The following CCDC57 variants were observed in gnomAD, a reference collection of about 807,000 sequenced individuals.
CCDC57 encodes coiled-coil domain-containing protein 57.
In CCDC57, 118 loss-of-function variants were observed where a neutral mutation model predicts 118.9. The ratio of observed to expected loss-of-function variants is 0.99; its 90% CI spans 0.86 to 1.16. CCDC57 has a LOEUF of 1.16. Among genes scored for constraint, CCDC57 ranks in the 50% most tolerant of loss-of-function variants. The pLI is 0.00. For missense variants in CCDC57, 1,300 were observed against 1,320.7 expected (o/e 0.98, Z 0.24); for synonymous variants, 527 against 532.9 (o/e 0.99, Z 0.15).
At chr17:82,128,585 C>T in exon 18 of CCDC57, 1 of 1,564,792 alleles carries the variant, frequency 6.4e-7, no homozygotes, top group Non-Finnish European at 8.7e-7. Context: ...TCATCCTCGG[C>T]ACTCTTGGCG....
chr17:82,207,315 AGAGT>A (rs1264982917), intron 2 of CCDC57, among the ~76,000 whole-genome samples: 1 of 152,072 alleles, frequency 6.6e-6, no homozygotes, highest in Admixed American at 6.6e-5. Flanking sequence ...CCTAGGTGAC[AGAGT>A]GAGACCCTGT....
intron 13 of CCDC57, among the ~76,000 whole-genome samples, chr17:82,168,020 T>G (rs1225673734): frequency 6.6e-6 from 1 of 152,258 alleles, no homozygotes; most frequent in African/African-American, 2.4e-5. Flanking sequence ...TTCCTTCTGT[T>G]GTGTCTAAAG....
chr17:82,201,716 C>T lies in CCDC57; in HGVS notation c.229G>A (p.Ala77Thr), dbSNP rs751781369. 3.1e-5 allele frequency: 50 copies of T among 1,613,778 alleles called. No homozygotes were observed. Among genetic ancestry groups the T allele is most frequent in the Admixed American group, 1.7e-4 (10 of 60,000 alleles). The change falls in exon 3 of 20, where the codon GCC becomes ACC. Residue 77 changes from alanine (A) to threonine (T), a missense_variant. By Grantham distance (58) the Ala-to-Thr change is moderately conservative (BLOSUM62 0). Transcript: ENST00000665763. ...TCCCACTCCCTGGCCTGGGCGAAGGCGGCGTCATAGCGCTCCAGCTCGAGG... is the reference window on the plus strand; with the variant it reads ...TCCCACTCCCTGGCCTGGGCGAAGGTGGCGTCATAGCGCTCCAGCTCGAGG...
At chr17:82,200,361 G>C (rs2048849719) in intron 3 of CCDC57, among the ~76,000 whole-genome samples, 1 of 152,174 alleles carries the variant, frequency 6.6e-6, no homozygotes, top group Non-Finnish European at 1.5e-5. Context: ...CTCTATATGG[G>C]GCCTGGAGAT....
chr17:82,154,630 C>A (rs2042457362), intron 15 of CCDC57: 1 of 150,568 alleles, frequency 6.6e-6, no homozygotes, highest in Admixed American at 6.6e-5. Flanking sequence ...CATGGTCCCA[C>A]ATGGTGTTTC....
chr17:82,138,250 G>A (rs1321800464), intron 16 of CCDC57, among the ~76,000 whole-genome samples: 5 of 148,358 alleles, frequency 3.4e-5, no homozygotes, highest in Admixed American at 6.8e-5. Flanking sequence ...CCGGGTTCAC[G>A]CCACTCTCCT....
At chr17:82,147,174 T>C (rs1012746072) in intron 16 of CCDC57, among the ~76,000 whole-genome samples, 17 of 151,030 alleles carry the variant, frequency 1.1e-4, no homozygotes, top group East Asian at 5.9e-4. Flanking sequence ...GATAGGTGGG[T>C]GGGATAAGTG....
At chr17:82,209,655 T>C (rs955941445) in intron 1 of CCDC57, among the ~76,000 whole-genome samples, 5 of 152,096 alleles carry the variant, frequency 3.3e-5, no homozygotes, top group Non-Finnish European at 7.3e-5. Flanking sequence ...CTAATTTATT[T>C]TGTAATTTTT....
At chr17:82,148,111 G>T (rs2041109258) in intron 16 of CCDC57, among the ~76,000 whole-genome samples, 1 of 106,422 alleles carries the variant, frequency 9.4e-6, no homozygotes, top group African/African-American at 3.7e-5. Flanking sequence ...GGTGGGATAA[G>T]TGGTTGGATG....
chr17:82,177,425 G>C (rs1000251563), intron 11 of CCDC57, among the ~76,000 whole-genome samples: 4 of 152,068 alleles, frequency 2.6e-5, no homozygotes, highest in Non-Finnish European at 5.9e-5. Flanking sequence ...CGCACCTGTG[G>C]TCCCAGCTAC....
chr17:82,137,277 T>A (rs1419190636), intron 16 of CCDC57, among the ~76,000 whole-genome samples: 1 of 152,304 alleles, frequency 6.6e-6, no homozygotes, highest in East Asian at 1.9e-4. Flanking sequence ...CACCTCGGCC[T>A]CCCGAAGTGC....
chr17:82,103,589 A>G (rs1442042497), intron 19 of CCDC57, among the ~76,000 whole-genome samples: 2 of 152,240 alleles, frequency 1.3e-5, no homozygotes, highest in Non-Finnish European at 2.9e-5. Context: ...ACCCTGAGGC[A>G]TCTCCTCAAA....
In CCDC57 at chr17:82,151,992, C is replaced by G. The variant is rs969080435; in HGVS notation, c.2242-219G>C. ...ACAAATAGAATAAAGGCCCACAGAT[C>G]TCCCAGGCCAGGGTGGCCCCCAGAT... On this transcript the variant is annotated intron_variant, in intron 15 of 19. Transcript: ENST00000665763. 3 of 556,966 alleles carry G rather than the reference C, an allele frequency of 5.4e-6. No homozygotes were observed. The Admixed American group carries it at 9.6e-5, about 18-fold the overall frequency. The allele number at this position is 556,966 out of a possible 1,614,324, so 34.5% of individuals were successfully genotyped here. A position where few individuals can be genotyped will look rare whatever the true frequency, so the allele number is the denominator to read the frequency against.
In CCDC57 at chr17:82,163,498, A is replaced by G. The variant is rs2043597373; in HGVS notation, c.1883-141T>C. The G allele has an allele frequency of 3.4e-6, 3 of 894,544 alleles. No homozygotes were observed. The South Asian group carries it at 5.0e-5, about 15-fold the overall frequency. The allele number at this position is 894,544 out of a possible 1,614,324, so 55.4% of individuals were successfully genotyped here. ...TGACCCCAATGCGAAGCTGTTCTTC[A>G]TTGGAGTCAGCAGATCTGGTCCACG... On this transcript the variant is annotated intron_variant, in intron 13 of 19. Coordinates refer to ENST00000665763, the Ensembl canonical transcript of CCDC57.
At chr17:82,204,126 G>C (rs1235710336) in intron 2 of CCDC57, among the ~76,000 whole-genome samples, 3 of 152,118 alleles carry the variant, frequency 2.0e-5, no homozygotes, top group Non-Finnish European at 4.4e-5. Flanking sequence ...AGGCTCTGGA[G>C]CAAAGACGGT....
At chr17:82,156,135 A>G (rs1174924793) in intron 15 of CCDC57, 1 of 152,058 alleles carries the variant, frequency 6.6e-6, no homozygotes, top group African/African-American at 2.4e-5. Flanking sequence ...GTCTCTACTG[A>G]AAACACAAAA....
At chr17:82,141,830 T>C (rs1171358429) in intron 16 of CCDC57, among the ~76,000 whole-genome samples, 1 of 152,112 alleles carries the variant, frequency 6.6e-6, no homozygotes, top group Non-Finnish European at 1.5e-5. Flanking sequence ...AGAGAAACTG[T>C]AGGGAAAAAA....
intron 19 of CCDC57, among the ~76,000 whole-genome samples, chr17:82,117,951 A>G (rs778202026): frequency 3.3e-5 from 5 of 151,866 alleles, no homozygotes; most frequent in Non-Finnish European, 7.4e-5. Context: ...GCACACGCAC[A>G]GGAGGTTCAC....
chr17:82,168,858 C>T (rs1157239990), intron 13 of CCDC57, among the ~76,000 whole-genome samples: 2 of 149,016 alleles, frequency 1.3e-5, no homozygotes, highest in Non-Finnish European at 1.5e-5. Context: ...GAAACAAAAA[C>T]AAAGAATCGT....
Sources: allele counts gnomAD v4.1 joint callset (sites outside exome capture counted in the v4.1 genomes callset), GRCh38; gene constraint gnomAD v4.1.1; transcripts MANE v1.5; gene names NCBI Gene and HGNC (gene_info 2026-07-23, HGNC 2026-07-21).